FAT3: variants seen among roughly 807,000 people sequenced by gnomAD.
FAT3 encodes FAT atypical cadherin 3, also known as protocadherin Fat 3.
In FAT3, 95 loss-of-function variants were observed where a neutral mutation model predicts 310.2. The ratio of observed to expected loss-of-function variants is 0.31; its 90% CI spans 0.26 to 0.36. The LOEUF (loss-of-function observed/expected upper bound fraction) is 0.36, where lower values mean the gene tolerates loss of function less well. FAT3 is among the 10% of genes least tolerant of loss of function. FAT3 has a pLI of 1.00. For synonymous variants in FAT3, 2,314 were observed against 2,192.9 expected, an observed-to-expected ratio of 1.06 and a Z score of -1.54; for missense variants, 5,408 against 5,715.6, an observed-to-expected ratio of 0.95 and a Z score of 1.74.
chr11:92,426,886 A>G (rs1950646425), intron 2 of FAT3, among the ~76,000 whole-genome samples: 1 of 152,160 alleles, frequency 6.6e-6, no homozygotes, highest in South Asian at 2.1e-4. Flanking sequence ...TATGAAATTT[A>G]AAGTAGTTTT....
intron 4 of FAT3, among the ~76,000 whole-genome samples, chr11:92,706,523 A>C (rs893866239): frequency 6.6e-6 from 1 of 151,992 alleles, no homozygotes; most frequent in Non-Finnish European, 1.5e-5. Context: ...AGGAAGTCTT[A>C]ATTTGTTTCC....
chr11:92,614,996 C>T (rs1190896284), intron 3 of FAT3, among the ~76,000 whole-genome samples: 1 of 152,094 alleles, frequency 6.6e-6, no homozygotes, highest in Non-Finnish European at 1.5e-5. Flanking sequence ...TGTCTTAGCA[C>T]CTTTGTTGAA....
intron 2 of FAT3, among the ~76,000 whole-genome samples, chr11:92,436,292 A>T (rs530706447): frequency 6.6e-6 from 1 of 152,072 alleles, no homozygotes; most frequent in African/African-American, 2.4e-5. Flanking sequence ...GACATGTGCC[A>T]CCATGCCTGG....
intron 3 of FAT3, among the ~76,000 whole-genome samples, chr11:92,585,333 A>G (rs1358071023): frequency 6.6e-6 from 1 of 152,006 alleles, no homozygotes; most frequent in Non-Finnish European, 1.5e-5. Context: ...AAAAAGATGA[A>G]ATGTACAAAG....
intron 3 of FAT3, among the ~76,000 whole-genome samples, chr11:92,635,377 A>G (rs537807781): frequency 6.8e-4 from 103 of 152,268 alleles, no homozygotes; most frequent in African/African-American, 2.2e-3. Context: ...TCTACATGCT[A>G]TAGTTAGTTT....
At chr11:92,847,951 C>T (rs1419620343) in intron 19 of FAT3, among the ~76,000 whole-genome samples, 1 of 151,758 alleles carries the variant, frequency 6.6e-6, no homozygotes, top group South Asian at 2.1e-4. Flanking sequence ...AGACGTGCAC[C>T]CACAGGTGCA....
chr11:92,697,350 T>C (rs1943972927), intron 3 of FAT3, 34 bp from the exon 4 acceptor site: 1 of 1,606,046 alleles, frequency 6.2e-7, no homozygotes, highest in African/African-American at 1.3e-5. Context: ...TTGCCCCAGA[T>C]ATTTAAAAGT....
chr11:92,664,404 T>C lies in FAT3; in HGVS notation c.3608-32980T>C, dbSNP rs1565496416. On this transcript the variant is annotated intron_variant, in intron 3 of 27. Transcript: ENST00000525166. ...CTGATACTCAGGAGATGGTCCTCAA[T>C]ATCTGTGGATTAAATGAAGGACAGA... Among the ~76,000 whole-genome samples the C allele has an allele frequency of 2.0e-5, 3 of 152,228 alleles. No individual in the cohort carries two copies. The South Asian group carries it at 6.2e-4, about 31-fold the overall frequency.
At chr11:92,573,445 G>A (rs525955) in intron 3 of FAT3, among the ~76,000 whole-genome samples, 112,446 of 151,682 alleles carry the variant, frequency 0.74, 43,925 homozygotes, top group Non-Finnish European at 0.88. Flanking sequence ...GTTGTAGCGG[G>A]CTGAATAGTG....
chr11:92,523,877 T>G (rs1953765107), intron 2 of FAT3, among the ~76,000 whole-genome samples: 1 of 152,168 alleles, frequency 6.6e-6, no homozygotes, highest in African/African-American at 2.4e-5. Flanking sequence ...GGCACTTGTT[T>G]CAACCATGAA....
intron 1 of FAT3, among the ~76,000 whole-genome samples, chr11:92,292,924 G>T (rs2134399331): frequency 6.6e-6 from 1 of 152,036 alleles, no homozygotes; most frequent in East Asian, 1.9e-4. Flanking sequence ...AAGTCAGAAG[G>T]ATTGCTTGAG....
chr11:92,828,600 G>C (rs375937510), intron 13 of FAT3, among the ~76,000 whole-genome samples: 4 of 152,074 alleles, frequency 2.6e-5, no homozygotes, highest in African/African-American at 9.7e-5. Context: ...ATGAGGAGGT[G>C]GGGGGAGTGT....
At chr11:92,234,261 A>C (rs184955502) in intron 1 of FAT3, among the ~76,000 whole-genome samples, 1 of 152,296 alleles carries the variant, frequency 6.6e-6, no homozygotes, top group East Asian at 1.9e-4. Flanking sequence ...TTGTATATTA[A>C]ATTTCTCAAA....
chr11:92,253,511 T>A (rs1865208306), intron 1 of FAT3, among the ~76,000 whole-genome samples: 1 of 152,252 alleles, frequency 6.6e-6, no homozygotes, highest in Non-Finnish European at 1.5e-5. Context: ...GTTCTTAATA[T>A]GATTTGCATA....
At chr11:92,876,062 G>A (rs145814428) in intron 22 of FAT3, among the ~76,000 whole-genome samples, 24 of 152,140 alleles carry the variant, frequency 1.6e-4, no homozygotes, top group African/African-American at 5.5e-4. Context: ...CTGCCCCCAG[G>A]TGCTTCTGAT....
Position 92,835,020 on chromosome 11 carries a change from T to C in FAT3, c.10022T>C (p.Phe3341Ser), listed in dbSNP as rs1485820322. 1 of 1,613,752 alleles carries C rather than the reference T, an allele frequency of 6.2e-7. No individual in the cohort carries two copies. The highest frequency in any genetic ancestry group is 8.5e-7 in the Non-Finnish European group (1 of 1,179,806). The change falls in exon 15 of 28, where the codon TTC becomes TCC. Residue 3341 changes from phenylalanine (F) to serine (S), a missense_variant. By Grantham distance (155) the Phe-to-Ser change is radical (BLOSUM62 -2). Coordinates refer to ENST00000525166, the MANE Select transcript of FAT3 (RefSeq NM_001367949.2). ...GATGTTAATGACAACCCTCCCAAGT[T>C]CAGCCAAGACGTCTACAGTGCGGTT... is the stretch of plus-strand genomic sequence containing the variant. ...LTDVNDNPPK[F>S]SQDVYSAVIS...
intron 3 of FAT3, among the ~76,000 whole-genome samples, chr11:92,590,895 A>G (rs1939390041): frequency 6.6e-6 from 1 of 152,156 alleles, no homozygotes; most frequent in Non-Finnish European, 1.5e-5. Flanking sequence ...ATTTTAACAC[A>G]AAGCCTAAAC....
At chr11:92,846,976 T>TACAAA in intron 19 of FAT3, among the ~76,000 whole-genome samples, 1 of 152,356 alleles carries the variant, frequency 6.6e-6, no homozygotes, top group Admixed American at 6.5e-5. Flanking sequence ...TTTATAGATG[T>TACAAA]GGTAGCTTTG....
intron 1 of FAT3, among the ~76,000 whole-genome samples, chr11:92,315,510 T>TAGAC (rs1197551111): frequency 2.1e-3 from 162 of 78,152 alleles, no homozygotes; most frequent in Non-Finnish European, 3.3e-3. Flanking sequence ...TATATATATA[T>TAGAC]ATAGAGAGAG....
Sources: allele counts gnomAD v4.1 joint callset (sites outside exome capture counted in the v4.1 genomes callset), GRCh38; gene constraint gnomAD v4.1.1; transcripts MANE v1.5; gene names NCBI Gene and HGNC (gene_info 2026-07-23, HGNC 2026-07-21).